FAT3: variants seen among roughly 807,000 people sequenced by gnomAD.
FAT3 encodes the protein protocadherin Fat 3.
In FAT3, 95 loss-of-function variants were observed where a neutral mutation model predicts 310.2. The observed-to-expected ratio is 0.31, with a 90% CI of 0.26 to 0.36. The LOEUF (loss-of-function observed/expected upper bound fraction) is 0.36. Ranked by LOEUF, FAT3 falls within the 10% of genes least tolerant of loss-of-function variation. The probability of loss-of-function intolerance (pLI) is 1.00; values close to 1 mark genes in which losing one functional copy is unlikely to be tolerated. For missense variants in FAT3, 5,408 were observed against 5,715.6 expected (o/e 0.95, Z 1.74); for synonymous variants, 2,314 against 2,192.9 (o/e 1.06, Z -1.54).
At chr11:92,645,341 C>A (rs750014924) in intron 3 of FAT3, among the ~76,000 whole-genome samples, 7 of 152,104 alleles carry the variant, frequency 4.6e-5, no homozygotes, top group Non-Finnish European at 7.4e-5. Flanking sequence ...ATTATTTTTT[C>A]TATACTGTTT....
At position 92,783,502 on chromosome 11, in the gene FAT3, T is replaced by TA. The variant is rs11349996; in HGVS notation, c.4336-6424dup. On this transcript the variant is annotated intron_variant, in intron 7 of 27. Transcript: ENST00000525166. Reference sequence around the variant, plus strand: ...AAAATGTAAGACTTTCTTTTTTAATTAAAAAAAAAAAAAAAAAGACACAGC... The same window carrying TA: ...AAAATGTAAGACTTTCTTTTTTAATTAAAAAAAAAAAAAAAAAAGACACAGC... 2.9e-3 allele frequency among the ~76,000 whole-genome samples: 402 copies of TA among 140,290 alleles called. 1 individual carries two copies. Among genetic ancestry groups the TA allele is most frequent in the African/African-American group, 9.0e-3 (345 of 38,184 alleles). The allele number at this position is 140,290 out of a possible 152,430, so 92.0% of individuals were successfully genotyped here. A position where few individuals can be genotyped will look rare whatever the true frequency, so the allele number is the denominator to read the frequency against.
chr11:92,491,460 G>T (rs1565357724), intron 2 of FAT3, among the ~76,000 whole-genome samples: 1 of 151,972 alleles, frequency 6.6e-6, no homozygotes, highest in Non-Finnish European at 1.5e-5. Context: ...AGGCTTCCTG[G>T]AGAATGGGGA....
chr11:92,726,300 TTTAA>T (rs946831526), intron 4 of FAT3, among the ~76,000 whole-genome samples: 6 of 152,268 alleles, frequency 3.9e-5, no homozygotes, highest in East Asian at 1.9e-4. Flanking sequence ...ATATAAGTGG[TTTAA>T]TTGTTTTATT....
intron 4 of FAT3, among the ~76,000 whole-genome samples, chr11:92,704,215 A>G (rs1944193501): frequency 6.6e-6 from 1 of 152,162 alleles, no homozygotes; most frequent in Non-Finnish European, 1.5e-5. Flanking sequence ...CTGGTTGTCC[A>G]TCCACCACCC....
chr11:92,870,287 C>T (rs1949355195), intron 22 of FAT3, among the ~76,000 whole-genome samples: 1 of 152,112 alleles, frequency 6.6e-6, no homozygotes, highest in Admixed American at 6.5e-5. Context: ...TCAGGGAAGC[C>T]ACAATTACTA....
chr11:92,248,236 G>C (rs918017418), intron 1 of FAT3, among the ~76,000 whole-genome samples: 2 of 151,922 alleles, frequency 1.3e-5, no homozygotes, highest in Non-Finnish European at 2.9e-5. Context: ...TGCAGGAATG[G>C]CTGCATTTAT....
At position 92,798,558 on chromosome 11, in the gene FAT3, T is replaced by C. The variant is rs770903806; in HGVS notation, c.5545T>C (p.Phe1849Leu). 7 of 1,613,702 alleles carry C rather than the reference T, an allele frequency of 4.3e-6. No homozygotes were observed. The highest frequency in any genetic ancestry group is 1.1e-5 in the South Asian group (1 of 91,070). The change falls in exon 10 of 28, where the codon TTT becomes CTT. Residue 1849 changes from phenylalanine (F) to leucine (L), a missense_variant. By Grantham distance (22) the Phe-to-Leu change is conservative. This residue lies in a region of FAT3 where 4,588 missense variants were observed against 4,809.8 expected (regional missense o/e 0.95). Coordinates refer to ENST00000525166, the MANE Select transcript of FAT3 (RefSeq NM_001367949.2). ...LDHETIAHFH[F>L]HVHVRDSGSP... ...CCATGAAACCATTGCCCATTTCCAT[T>C]TTCATGTGCATGTGAGAGACAGTGG...
chr11:92,718,527 A>G (rs1944758807), intron 4 of FAT3, among the ~76,000 whole-genome samples: 1 of 152,216 alleles, frequency 6.6e-6, no homozygotes, highest in Admixed American at 6.5e-5. Context: ...GAAGGCTGTC[A>G]GCAGTCAAAA....
chr11:92,258,240 T>C (rs368008741), intron 1 of FAT3, among the ~76,000 whole-genome samples: 2 of 152,152 alleles, frequency 1.3e-5, no homozygotes, highest in East Asian at 3.9e-4. Flanking sequence ...GCTATGTGCC[T>C]AGCATGTTAC....
At chr11:92,511,082 T>C (rs1420109415) in intron 2 of FAT3, among the ~76,000 whole-genome samples, 1 of 152,246 alleles carries the variant, frequency 6.6e-6, no homozygotes, top group Non-Finnish European at 1.5e-5. Context: ...TTTAAGTGCA[T>C]GATAAAATCA....
intron 3 of FAT3, among the ~76,000 whole-genome samples, chr11:92,632,747 A>G (rs147479796): frequency 6.6e-6 from 1 of 152,216 alleles, no homozygotes; most frequent in African/African-American, 2.4e-5. Flanking sequence ...GCAGAGAGGC[A>G]TTGATGGAAT....
At chr11:92,433,648 G>A (rs936236324) in intron 2 of FAT3, among the ~76,000 whole-genome samples, 7 of 152,136 alleles carry the variant, frequency 4.6e-5, no homozygotes, top group East Asian at 1.9e-4. Flanking sequence ...TGGTCTCACC[G>A]GGAGCTGCAG....
chr11:92,331,051 A>C (rs1245701682), intron 1 of FAT3, among the ~76,000 whole-genome samples: 2 of 150,428 alleles, frequency 1.3e-5, no homozygotes, highest in Admixed American at 6.6e-5. Flanking sequence ...ATGTTATTTA[A>C]TGCTATACAC....
At chr11:92,794,500 C>T (rs1450052812) in intron 9 of FAT3, among the ~76,000 whole-genome samples, 1 of 152,166 alleles carries the variant, frequency 6.6e-6, no homozygotes, top group South Asian at 2.1e-4. Context: ...AAGCCTGCTA[C>T]TTATACTCCT....
chr11:92,327,458 T>A (rs1277671154), intron 1 of FAT3, among the ~76,000 whole-genome samples: 4 of 152,234 alleles, frequency 2.6e-5, no homozygotes, highest in Non-Finnish European at 5.9e-5. Flanking sequence ...ATATAGTATA[T>A]GGCAGCCTCT....
At chr11:92,702,543 A>G (rs1297059882) in intron 4 of FAT3, among the ~76,000 whole-genome samples, 1 of 152,184 alleles carries the variant, frequency 6.6e-6, no homozygotes, top group African/African-American at 2.4e-5. Flanking sequence ...AGATGCTGGT[A>G]ACCTATTGCT....
chr11:92,286,043 A>T (rs1441156391), intron 1 of FAT3, among the ~76,000 whole-genome samples: 1 of 151,956 alleles, frequency 6.6e-6, no homozygotes, highest in African/African-American at 2.4e-5. Flanking sequence ...TGCTGCTTAA[A>T]ACAGCGTGAC....
chr11:92,471,463 T>A (rs1951900382), intron 2 of FAT3, among the ~76,000 whole-genome samples: 1 of 152,148 alleles, frequency 6.6e-6, no homozygotes, highest in Non-Finnish European at 1.5e-5. Flanking sequence ...ATGCTCACCT[T>A]CATGTAATCA....
chr11:92,732,182 G>GAAGCAAAGATTCCTTAA (rs1413599812), intron 4 of FAT3, among the ~76,000 whole-genome samples: 1 of 152,100 alleles, frequency 6.6e-6, no homozygotes, highest in Admixed American at 6.6e-5. Context: ...AATGTTTAAG[G>GAAGCAAAGATTCCTTAA]GGTGAGGAAG....
Sources: allele counts gnomAD v4.1 joint callset (sites outside exome capture counted in the v4.1 genomes callset), GRCh38; gene constraint gnomAD v4.1.1; regional missense constraint gnomAD v4.1.1; transcripts MANE v1.5; gene names NCBI Gene and HGNC (gene_info 2026-07-23, HGNC 2026-07-21).